CCNJ: variants seen among roughly 807,000 people sequenced by gnomAD.
CCNJ encodes the protein cyclin J.
A neutral mutation model predicts 41.4 loss-of-function variants in CCNJ; 12 were observed. That is an observed-to-expected ratio of 0.29 (90% CI 0.19 to 0.47). The LOEUF is 0.47. CCNJ is among the 20% of genes least tolerant of loss of function. The pLI is 1.00. For missense variants in CCNJ, 340 were observed against 464.6 expected (o/e 0.73, Z 2.47); for synonymous variants, 161 against 173.4 (o/e 0.93, Z 0.56).
chr10:96,056,502 A>T (rs1039648237), intron 3 of CCNJ, among the ~76,000 whole-genome samples, 199 bp from the exon 4 acceptor site: 1 of 151,352 alleles, frequency 6.6e-6, no homozygotes, highest in Non-Finnish European at 1.5e-5. Flanking sequence ...ATTTTTTTTT[A>T]GGGGATTGGG....
intron 1 of CCNJ, 46 bp from the exon 2 acceptor site, chr10:96,044,307 G>A: frequency 8.9e-7 from 1 of 1,127,180 alleles, no homozygotes; most frequent in Non-Finnish European, 1.2e-6. Flanking sequence ...GGCGCAGAGG[G>A]TCGCGGGGGA....
At chr10:96,043,298 T>C, upstream of CCNJ, 1 of 291,068 alleles carries the variant, frequency 3.4e-6, no homozygotes, top group East Asian at 5.7e-5. Context: ...CGGCGCTCTC[T>C]GCCGACCTCA....
chr10:96,058,388 T>C lies in CCNJ; in HGVS notation c.*147T>C. ...AGCACCAGGAAGACTGAATATCCTT[T>C]TTAATGCACCATGAATCCTGGGAGA... On this transcript the variant is annotated 3_prime_UTR_variant, in exon 6 of 6. Coordinates refer to ENST00000465148, the MANE Select transcript of CCNJ (RefSeq NM_001134375.2). 1 of 624,530 alleles carries C rather than the reference T, an allele frequency of 1.6e-6. No homozygotes were observed. The highest frequency in any genetic ancestry group is 2.8e-6 in the Non-Finnish European group (1 of 358,924). The allele number at this position is 624,530 out of a possible 1,614,324, so 38.7% of individuals were successfully genotyped here. A position where few individuals can be genotyped will look rare whatever the true frequency, so the allele number is the denominator to read the frequency against.
Position 96,044,442 on chromosome 10 carries a change from C to T in CCNJ, c.49C>T (p.His17Tyr). The T allele has an allele frequency of 6.4e-7, 1 of 1,560,134 alleles. No homozygotes were observed. ...WWRGQLAADIHQALRYKELKL... is the reference protein window; with the variant it reads ...WWRGQLAADIYQALRYKELKL... Reference sequence around the variant, plus strand: ...GCGAGGACAGCTGGCCGCCGATATTCACCAAGCGCTTCGCTACAAGGTAAC... The same window carrying T: ...GCGAGGACAGCTGGCCGCCGATATTTACCAAGCGCTTCGCTACAAGGTAAC... Residue 17 changes from histidine to tyrosine, a missense_variant, in exon 2 of 6, where the codon CAC (histidine) becomes TAC (tyrosine). Physicochemically the swap from His to Tyr is moderately conservative, Grantham distance 83 (BLOSUM62 2). Transcript: ENST00000465148.
intron 3 of CCNJ, among the ~76,000 whole-genome samples, chr10:96,053,209 T>C (rs1010049628): frequency 1.3e-5 from 2 of 152,168 alleles, no homozygotes; most frequent in African/African-American, 4.8e-5. Flanking sequence ...TGGAGAGCTA[T>C]GTGTAGTGTT....
At chr10:96,051,881 C>T (rs562121992) in intron 3 of CCNJ, among the ~76,000 whole-genome samples, 1 of 152,280 alleles carries the variant, frequency 6.6e-6, no homozygotes, top group African/African-American at 2.4e-5. Context: ...GTAAATAAAA[C>T]ACAGCTGCAG....
intron 3 of CCNJ, among the ~76,000 whole-genome samples, chr10:96,054,169 G>A (rs1027310527): frequency 5.9e-5 from 9 of 152,152 alleles, no homozygotes; most frequent in Non-Finnish European, 1.3e-4. Flanking sequence ...TTTCTGGGAA[G>A]CAGATATGAA....
chr10:96,046,151 A>G (rs57334361), intron 2 of CCNJ, among the ~76,000 whole-genome samples: 18,455 of 152,262 alleles, frequency 0.12, 1,191 homozygotes, highest in Middle Eastern at 0.17. Flanking sequence ...CATCCAAGGC[A>G]TAAGACCCAA....
chr10:96,058,164 TGTCTGA>T lies in CCNJ; in HGVS notation c.1078_1083del (p.Leu360_Ser361del). 6.2e-7 allele frequency: 1 copy of T among 1,614,172 alleles called. No individual in the cohort carries two copies. On this transcript the variant is annotated inframe_deletion, in exon 6 of 6. Transcript: ENST00000465148. Reference sequence around the variant, plus strand: ...GGCAATACCAGTAGAAGTTAAGCCCTGTCTGAGTGTTTCTTACAACCGGAGTTATCA... The same window carrying T: ...GGCAATACCAGTAGAAGTTAAGCCCTGTGTTTCTTACAACCGGAGTTATCA...
chr10:96,060,050 A>C lies in CCNJ; in HGVS notation c.*1809A>C, dbSNP rs1361485556. The stretch of plus-strand genomic sequence containing the variant: ...AGCATGAAAATTGTTTTCTGAAAGT[A>C]TCATCACTTTTCCTTTTTAAAGAAG... On this transcript the variant is annotated 3_prime_UTR_variant, in exon 6 of 6. Transcript: ENST00000465148. The C allele has an allele frequency of 6.6e-6, 1 of 152,670 alleles. No individual in the cohort carries two copies. Among genetic ancestry groups the C allele is most frequent in the East Asian group, 1.9e-4 (1 of 5,198 alleles). The allele number at this position is 152,670 out of a possible 1,614,324, so 9.5% of individuals were successfully genotyped here.
chr10:96,055,369 C>T (rs959490842), intron 3 of CCNJ, among the ~76,000 whole-genome samples: 5 of 152,130 alleles, frequency 3.3e-5, no homozygotes, highest in South Asian at 4.1e-4. Flanking sequence ...AAATAGAACA[C>T]AGTAATAGGA....
chr10:96,057,044 C>T, intron 4 of CCNJ, 44 bp downstream of exon 4: 10 of 1,612,282 alleles, frequency 6.2e-6, no homozygotes, highest in African/African-American at 1.3e-5. Flanking sequence ...GCACTTGTGA[C>T]TCGTGTATTC....
At position 96,058,711 on chromosome 10, in the gene CCNJ, TTTG is replaced by T. The variant is rs2080757918; in HGVS notation, c.*473_*475del. 2 of 390,560 alleles carry T rather than the reference TTTG, an allele frequency of 5.1e-6. No individual in the cohort carries two copies. Among genetic ancestry groups the T allele is most frequent in the East Asian group, 7.3e-5 (2 of 27,376 alleles). The allele number at this position is 390,560 out of a possible 1,614,324, so 24.2% of individuals were successfully genotyped here. On this transcript the variant is annotated 3_prime_UTR_variant, in exon 6 of 6. Transcript: ENST00000465148. ...TTTTTTTATTCTGCAATTTTTTATT[TTTG>T]TTCTACACATGAATTTTTGACTAAG...
intron 3 of CCNJ, among the ~76,000 whole-genome samples, chr10:96,055,582 A>G (rs1355815550): frequency 6.6e-6 from 1 of 152,260 alleles, no homozygotes; most frequent in African/African-American, 2.4e-5. Flanking sequence ...GCATGTTTGG[A>G]AAGTAAAGTG....
chr10:96,056,404 TGATGA>T (rs2080694029), intron 3 of CCNJ, among the ~76,000 whole-genome samples: 1 of 152,220 alleles, frequency 6.6e-6, no homozygotes, highest in Non-Finnish European at 1.5e-5. Context: ...AATATTCAGC[TGATGA>T]GATTGAGTTA....
chr10:96,050,546 A>G, intron 3 of CCNJ, 80 bp downstream of exon 3: 2 of 1,007,120 alleles, frequency 2.0e-6, no homozygotes, highest in Non-Finnish European at 1.5e-6. Flanking sequence ...ACTCAGTGAA[A>G]TATCATCAAA....
At chr10:96,045,620 C>T (rs987374945) in intron 2 of CCNJ, among the ~76,000 whole-genome samples, 2 of 151,550 alleles carry the variant, frequency 1.3e-5, no homozygotes, top group Non-Finnish European at 2.9e-5. Flanking sequence ...AATGGGATCT[C>T]TGGAGTGTTA....
chr10:96,043,420 C>G (rs557299977), upstream of CCNJ: 216 of 372,362 alleles, frequency 5.8e-4, 1 homozygote, highest in African/African-American at 4.4e-3. Context: ...CGTACCCAGG[C>G]GGGAGCCGCC....
In CCNJ at chr10:96,050,299, G is replaced by C; in HGVS notation, c.113G>C (p.Ser38Thr). 10 of 1,614,084 alleles carry C rather than the reference G, an allele frequency of 6.2e-6. No homozygotes were observed. The highest frequency in any genetic ancestry group is 8.5e-6 in the Non-Finnish European group (10 of 1,179,998). Residue 38 changes from serine (S) to threonine (T), a missense_variant, in exon 3 of 6, where the codon AGT becomes ACT. This residue lies in a region of CCNJ where 44 missense variants were observed against 43.6 expected (regional missense o/e 1.01). Transcript: ENST00000465148. ...PSYKGQSPQLSLRRYFADLIA... is the reference protein window; with the variant it reads ...PSYKGQSPQLTLRRYFADLIA... Reference sequence around the variant, plus strand: ...TATAAAGGCCAGTCCCCTCAGTTAAGTCTCAGACGGTATTTTGCTGACTTG... The same window carrying C: ...TATAAAGGCCAGTCCCCTCAGTTAACTCTCAGACGGTATTTTGCTGACTTG...
Sources: gnomAD v4.1 joint callset for allele counts (sites outside exome capture counted in the v4.1 genomes callset) on GRCh38, gnomAD v4.1.1 for gene constraint, gnomAD v4.1.1 regional missense constraint, MANE v1.5 for transcripts, NCBI Gene and HGNC (gene_info 2026-07-23, HGNC 2026-07-21) for gene names.